TXNDC11: variants seen among roughly 807,000 people sequenced by gnomAD.
The protein encoded by TXNDC11 is thioredoxin domain containing 11.
In TXNDC11, 68 loss-of-function variants were observed where a neutral mutation model predicts 78.0. The ratio of observed to expected loss-of-function variants is 0.87; its 90% confidence interval spans 0.72 to 1.07. The LOEUF (loss-of-function observed/expected upper bound fraction) is 1.07. Ranked by LOEUF, TXNDC11 falls within the 50% of genes least tolerant of loss-of-function variation. The pLI, the probability that TXNDC11 is intolerant of heterozygous loss-of-function variation, is 0.00. For synonymous variants in TXNDC11, 571 were observed against 495.2 expected, an observed-to-expected ratio of 1.15 and a Z score of -2.03; for missense variants, 1,389 against 1,221.8, an observed-to-expected ratio of 1.14 and a Z score of -2.04.
chr16:11,740,615 C>CA (rs939874768), intron 1 of TXNDC11, among the ~76,000 whole-genome samples: 3 of 152,252 alleles, frequency 2.0e-5, no homozygotes, highest in African/African-American at 7.2e-5. Context: ...CACCTCGCAA[C>CA]ACTCTACCTT....
At chr16:11,704,101 T>A (rs2051110366) in intron 5 of TXNDC11, among the ~76,000 whole-genome samples, 1 of 151,852 alleles carries the variant, frequency 6.6e-6, no homozygotes, top group African/African-American at 2.4e-5. Flanking sequence ...TCAAAAAAAA[T>A]AAATGAAGTA....
intron 7 of TXNDC11, among the ~76,000 whole-genome samples, chr16:11,697,285 G>A (rs1328169558): frequency 6.6e-6 from 1 of 152,202 alleles, no homozygotes; most frequent in East Asian, 1.9e-4. Context: ...CCAGGCAGGA[G>A]GCCAGGCCAG....
At chr16:11,699,293 C>A (rs928976599) in intron 6 of TXNDC11, among the ~76,000 whole-genome samples, 1 of 152,202 alleles carries the variant, frequency 6.6e-6, no homozygotes, top group Non-Finnish European at 1.5e-5. Flanking sequence ...TTTCTTTCCC[C>A]ATCTACTTTT....
At chr16:11,692,118 G>T (rs1343252208) in intron 7 of TXNDC11, 36 bp from the exon 8 acceptor site, 6 of 1,487,476 alleles carry the variant, frequency 4.0e-6, no homozygotes, top group Non-Finnish European at 5.4e-6. Context: ...AGGGCTTGGG[G>T]ATGACTGAGG....
chr16:11,703,948 C>T (rs771142631), intron 5 of TXNDC11, among the ~76,000 whole-genome samples: 1 of 152,100 alleles, frequency 6.6e-6, no homozygotes, highest in South Asian at 2.1e-4. Flanking sequence ...AAGAATTAGC[C>T]GGATGTGGTG....
intron 5 of TXNDC11, among the ~76,000 whole-genome samples, chr16:11,714,260 G>C (rs1010336294): frequency 3.3e-5 from 5 of 152,094 alleles, no homozygotes; most frequent in African/African-American, 1.2e-4. Flanking sequence ...CTGAGCTCAA[G>C]AGATCCACCT....
intron 5 of TXNDC11, among the ~76,000 whole-genome samples, chr16:11,701,064 T>C (rs966770619): frequency 6.6e-6 from 1 of 151,894 alleles, no homozygotes; most frequent in Non-Finnish European, 1.5e-5. Flanking sequence ...CTATTTTTTA[T>C]AGCACTTATT....
chr16:11,697,086 A>C (rs1336073092), intron 7 of TXNDC11, among the ~76,000 whole-genome samples: 2 of 152,134 alleles, frequency 1.3e-5, no homozygotes, highest in East Asian at 3.8e-4. Context: ...TAGTTTTATT[A>C]CTTTGAGTCC....
intron 8 of TXNDC11, among the ~76,000 whole-genome samples, chr16:11,689,598 A>T (rs1364489633): frequency 1.3e-5 from 2 of 152,242 alleles, no homozygotes; most frequent in African/African-American, 4.8e-5. Flanking sequence ...AACATTTCAG[A>T]GAAGATACAG....
intron 6 of TXNDC11, among the ~76,000 whole-genome samples, 168 bp downstream of exon 6, chr16:11,700,284 G>A (rs1263232729): frequency 1.3e-5 from 2 of 152,104 alleles, no homozygotes; most frequent in East Asian, 1.9e-4. Context: ...TCTTAACCTG[G>A]AGCCTGGGCT....
intron 4 of TXNDC11, among the ~76,000 whole-genome samples, chr16:11,728,736 A>T (rs773733957): frequency 1.9e-4 from 29 of 152,148 alleles, no homozygotes; most frequent in Non-Finnish European, 3.1e-4. Context: ...GCTTGAGCCG[A>T]GTTCATGCCA....
intron 3 of TXNDC11, among the ~76,000 whole-genome samples, chr16:11,732,794 C>T (rs1422736207): frequency 6.6e-6 from 1 of 152,154 alleles, no homozygotes; most frequent in Non-Finnish European, 1.5e-5. Flanking sequence ...TGGAATGTGA[C>T]AGAGAACCCA....
At chr16:11,688,045 C>T (rs1308084638) in intron 9 of TXNDC11, 79 bp from the exon 10 acceptor site, 2 of 1,172,708 alleles carry the variant, frequency 1.7e-6, no homozygotes, top group African/African-American at 3.1e-5. Context: ...GCTTAGAATC[C>T]AGCAAGCACC....
At chr16:11,735,619 T>C (rs1033685273) in intron 2 of TXNDC11, among the ~76,000 whole-genome samples, 5 of 152,232 alleles carry the variant, frequency 3.3e-5, no homozygotes, top group Non-Finnish European at 2.9e-5. Flanking sequence ...TTCTGGTCCA[T>C]ATATTAAAAA....
At chr16:11,728,669 G>C (rs1200478480) in intron 4 of TXNDC11, among the ~76,000 whole-genome samples, 1 of 152,194 alleles carries the variant, frequency 6.6e-6, no homozygotes, top group African/African-American at 2.4e-5. Context: ...TGCTGGGCTG[G>C]GCATGATGGC....
intron 1 of TXNDC11, among the ~76,000 whole-genome samples, chr16:11,736,671 AAC>A (rs1399649682): frequency 6.6e-6 from 1 of 152,256 alleles, no homozygotes; most frequent in Non-Finnish European, 1.5e-5. Flanking sequence ...GCTTACAATC[AAC>A]TCAACTTTGA....
intron 5 of TXNDC11, among the ~76,000 whole-genome samples, chr16:11,717,932 C>A (rs910630481): frequency 6.6e-6 from 1 of 151,972 alleles, no homozygotes; most frequent in Non-Finnish European, 1.5e-5. Context: ...AGCACTGAGG[C>A]CGAGCCCTGG....
intron 5 of TXNDC11, among the ~76,000 whole-genome samples, chr16:11,711,112 G>A (rs2051339394): frequency 6.6e-6 from 1 of 151,894 alleles, no homozygotes; most frequent in South Asian, 2.1e-4. Flanking sequence ...CAGACATTAG[G>A]CAGGGAAAAA....
intron 5 of TXNDC11, among the ~76,000 whole-genome samples, chr16:11,710,653 C>T (rs2051323660): frequency 6.6e-6 from 1 of 152,140 alleles, no homozygotes; most frequent in African/African-American, 2.4e-5. Context: ...AATTCAAGAG[C>T]AGCCTAGGCA....
Sources: gnomAD v4.1 joint callset for allele counts (sites outside exome capture counted in the v4.1 genomes callset) on GRCh38, gnomAD v4.1.1 for gene constraint, MANE v1.5 for transcripts, NCBI Gene and HGNC (gene_info 2026-07-23, HGNC 2026-07-21) for gene names.